BBS9: variants seen among roughly 807,000 people sequenced by gnomAD.
The protein encoded by BBS9 is protein PTHB1.
In BBS9, 89 loss-of-function variants were observed where a neutral mutation model predicts 117.7. The ratio of observed to expected loss-of-function variants is 0.76; its 90% CI spans 0.64 to 0.90. BBS9 has a LOEUF of 0.90. BBS9 is among the 40% of genes least tolerant of loss of function. The pLI is 0.00. For missense variants in BBS9, 982 were observed against 1,042.2 expected, an observed-to-expected ratio of 0.94 and a Z score of 0.80; for synonymous variants, 379 against 370.9, an observed-to-expected ratio of 1.02 and a Z score of -0.25.
chr7:33,567,024 G>A (rs1298006520), intron 21 of BBS9, among the ~76,000 whole-genome samples: 2 of 152,150 alleles, frequency 1.3e-5, no homozygotes, highest in Admixed American at 6.5e-5. Flanking sequence ...AAGGGAGATA[G>A]GAATGATGAT....
At chr7:33,424,258 T>C (rs1265271617) in intron 19 of BBS9, among the ~76,000 whole-genome samples, 1 of 152,238 alleles carries the variant, frequency 6.6e-6, no homozygotes, top group Non-Finnish European at 1.5e-5. Flanking sequence ...AGAAGATTAC[T>C]TTCTATTCTT....
chr7:33,216,441 C>A (rs986078333), intron 5 of BBS9, among the ~76,000 whole-genome samples: 2 of 152,094 alleles, frequency 1.3e-5, no homozygotes, highest in Non-Finnish European at 2.9e-5. Context: ...AAAAGTAATT[C>A]TTTTCCATAC....
At chr7:33,333,009 C>G (rs1814461870) in intron 9 of BBS9, among the ~76,000 whole-genome samples, 1 of 152,116 alleles carries the variant, frequency 6.6e-6, no homozygotes, top group South Asian at 2.1e-4. Flanking sequence ...CCCCCAGCCC[C>G]TGGAAACCAC....
chr7:33,522,626 C>A (rs1848810607), intron 20 of BBS9, among the ~76,000 whole-genome samples: 1 of 151,740 alleles, frequency 6.6e-6, no homozygotes, highest in African/African-American at 2.4e-5. Context: ...TGTTTGAGTT[C>A]ATTGTAGATT....
intron 21 of BBS9, among the ~76,000 whole-genome samples, chr7:33,624,806 A>G (rs927501301): frequency 6.6e-6 from 1 of 152,212 alleles, no homozygotes; most frequent in African/African-American, 2.4e-5. Flanking sequence ...AACAGGTGTA[A>G]AATAGAATAG....
chr7:33,172,843 A>G (rs1407872025), intron 4 of BBS9, among the ~76,000 whole-genome samples: 3 of 152,212 alleles, frequency 2.0e-5, no homozygotes, highest in South Asian at 2.1e-4. Context: ...CAAGGAAAAA[A>G]TGGTGCTCCC....
At chr7:33,584,623 TAATTG>T (rs1311807434) in intron 21 of BBS9, among the ~76,000 whole-genome samples, 1 of 152,118 alleles carries the variant, frequency 6.6e-6, no homozygotes, top group Non-Finnish European at 1.5e-5. Flanking sequence ...TTTGAGGACT[TAATTG>T]AATCATTTTG....
At chr7:33,497,587 C>T (rs142507650) in intron 19 of BBS9, among the ~76,000 whole-genome samples, 3 of 152,194 alleles carry the variant, frequency 2.0e-5, no homozygotes, top group Non-Finnish European at 4.4e-5. Flanking sequence ...GAAGAACAAG[C>T]AATGTCTGGC....
chr7:33,247,668 T>C (rs1003647391), intron 5 of BBS9, among the ~76,000 whole-genome samples: 1 of 152,162 alleles, frequency 6.6e-6, no homozygotes, highest in Non-Finnish European at 1.5e-5. Flanking sequence ...TTAACTCCCA[T>C]GTTCACCCAA....
At chr7:33,578,711 G>A (rs762638673) in intron 21 of BBS9, among the ~76,000 whole-genome samples, 7 of 152,072 alleles carry the variant, frequency 4.6e-5, no homozygotes, top group African/African-American at 9.7e-5. Context: ...ATGCTTTTAC[G>A]TTGCATTGCC....
chr7:33,500,575 A>G (rs969136557), intron 19 of BBS9, among the ~76,000 whole-genome samples: 1 of 152,228 alleles, frequency 6.6e-6, no homozygotes, highest in African/African-American at 2.4e-5. Flanking sequence ...TGGGTATGAC[A>G]GCCTTGCACA....
intron 21 of BBS9, among the ~76,000 whole-genome samples, chr7:33,623,220 A>G (rs116393884): frequency 3.9e-5 from 6 of 152,346 alleles, no homozygotes; most frequent in African/African-American, 1.4e-4. Flanking sequence ...CAACATCTTA[A>G]TATGAGCAAA....
intron 21 of BBS9, among the ~76,000 whole-genome samples, chr7:33,569,082 AC>A (rs1193443189): frequency 6.6e-6 from 1 of 152,210 alleles, no homozygotes; most frequent in East Asian, 1.9e-4. Flanking sequence ...AAAATTGGAT[AC>A]AAAAATATAA....
At chr7:33,496,943 T>TA (rs1844815204) in intron 19 of BBS9, among the ~76,000 whole-genome samples, 1 of 152,204 alleles carries the variant, frequency 6.6e-6, no homozygotes, top group Admixed American at 6.5e-5. Context: ...TTAGCCCTGG[T>TA]AAAATCTTTT....
chr7:33,494,165 ATGTCCGGAGACATTTTT>A (rs1435231526), intron 19 of BBS9, among the ~76,000 whole-genome samples: 2 of 152,012 alleles, frequency 1.3e-5, no homozygotes, highest in Admixed American at 1.3e-4. Flanking sequence ...ACATTTGACA[ATGTCCGGAGACATTTTT>A]TGGTTGTCAC....
intron 1 of BBS9, among the ~76,000 whole-genome samples, chr7:33,136,566 A>T (rs1213515314): frequency 2.0e-5 from 3 of 152,082 alleles, no homozygotes; most frequent in African/African-American, 7.2e-5. Context: ...ATAATGGAAG[A>T]GTTGGATTTA....
chr7:33,403,409 C>T (rs1480646165), intron 19 of BBS9, among the ~76,000 whole-genome samples: 4 of 150,208 alleles, frequency 2.7e-5, no homozygotes, highest in African/African-American at 7.4e-5. Flanking sequence ...TGGTGTGCTG[C>T]ACCCATTAAC....
chr7:33,401,033 G>GT (rs1220180681), intron 19 of BBS9, among the ~76,000 whole-genome samples: 1 of 152,098 alleles, frequency 6.6e-6, no homozygotes, highest in African/African-American at 2.4e-5. Context: ...CTGTATTTTT[G>GT]TTTTTAACTT....
chr7:33,410,579 A>G (rs1412748366), intron 19 of BBS9, among the ~76,000 whole-genome samples: 2 of 152,024 alleles, frequency 1.3e-5, no homozygotes, highest in Admixed American at 6.6e-5. Context: ...TGTCTCACCA[A>G]CCCTTCTAGA....
Sources: gnomAD v4.1 joint callset for allele counts (sites outside exome capture counted in the v4.1 genomes callset) on GRCh38, gnomAD v4.1.1 for gene constraint, MANE v1.5 for transcripts, NCBI Gene and HGNC (gene_info 2026-07-23, HGNC 2026-07-21) for gene names.